The following CLIP4 variants were observed in gnomAD, a reference collection of about 807,000 sequenced individuals.
The protein encoded by CLIP4 is CAP-Gly domain containing linker protein family member 4, also known as CAP-Gly domain-containing linker protein 4.
Under a neutral mutation model 73.1 loss-of-function variants are expected in CLIP4, and 47 were observed. The observed-to-expected ratio is 0.64, with a 90% CI of 0.51 to 0.82. The LOEUF is 0.82. Among genes scored for constraint, CLIP4 ranks in the 40% least tolerant of loss-of-function variants. The pLI, the probability that CLIP4 is intolerant of heterozygous loss-of-function variation, is 0.00. For synonymous variants in CLIP4, 306 were observed against 295.4 expected, an observed-to-expected ratio of 1.04 and a Z score of -0.37; for missense variants, 874 against 852.9, an observed-to-expected ratio of 1.02 and a Z score of -0.31.
chr2:29,104,671 T>G (rs1387457085), intron 1 of CLIP4, among the ~76,000 whole-genome samples: 1 of 151,310 alleles, frequency 6.6e-6, no homozygotes, highest in Non-Finnish European at 1.5e-5. Context: ...AGCTGAGACC[T>G]GAGTATGACG....
Position 29,133,645 on chromosome 2 carries a change from T to C in CLIP4, c.368-10T>C, listed in dbSNP as rs780478143. ...TACTAAAGGAAAGTAATTTAGAAAATCTTCTTTAGGTGATGTGGAAACAGC... is the reference window on the plus strand; with the variant it reads ...TACTAAAGGAAAGTAATTTAGAAAACCTTCTTTAGGTGATGTGGAAACAGC... On this transcript the variant is annotated splice_polypyrimidine_tract_variant and intron_variant, in intron 4 of 15. Transcript: ENST00000320081. 8.8e-6 allele frequency: 14 copies of C among 1,588,432 alleles called. No individual in the cohort carries two copies. The highest frequency in any genetic ancestry group is 1.1e-5 in the Non-Finnish European group (13 of 1,172,304).
At chr2:29,145,998 G>A (rs1666140775) in intron 8 of CLIP4, among the ~76,000 whole-genome samples, 1 of 152,204 alleles carries the variant, frequency 6.6e-6, no homozygotes, top group Admixed American at 6.5e-5. Context: ...GAATTTCAGA[G>A]GCCATGATGG....
At chr2:29,153,219 C>A (rs941958167) in intron 9 of CLIP4, among the ~76,000 whole-genome samples, 1 of 152,090 alleles carries the variant, frequency 6.6e-6, no homozygotes, top group African/African-American at 2.4e-5. Flanking sequence ...GGCTCTCTTT[C>A]TTTATTGATA....
chr2:29,127,768 A>G (rs1558523591), intron 2 of CLIP4, among the ~76,000 whole-genome samples: 1 of 152,188 alleles, frequency 6.6e-6, no homozygotes, highest in Admixed American at 6.5e-5. Context: ...TGTATCACAG[A>G]TGCTTGCAAA....
In CLIP4 at chr2:29,133,072, C is replaced by T. The variant is rs112167612; in HGVS notation, c.368-583C>T. 9.0e-3 allele frequency among the ~76,000 whole-genome samples: 1,374 copies of T among 152,190 alleles called. 15 individuals are homozygous for T. Among genetic ancestry groups the T allele is most frequent in the East Asian group, 0.047 (246 of 5,180 alleles). ...CCATGGTGGTGCATGCCTAGAGTTT[C>T]AGCTGCTTGCGAGGCCGAGGTGGGA... On this transcript the variant is annotated intron_variant, in intron 4 of 15. Coordinates refer to ENST00000320081, the MANE Select transcript of CLIP4 (RefSeq NM_024692.6).
At chr2:29,174,545 G>A (rs1668211518) in intron 15 of CLIP4, 100 bp downstream of exon 15, 2 of 1,497,430 alleles carry the variant, frequency 1.3e-6, no homozygotes, top group Non-Finnish European at 1.8e-6. Flanking sequence ...GCATTGCTTG[G>A]TAGAGTTTTA....
chr2:29,151,147 G>A (rs767590029), intron 8 of CLIP4, among the ~76,000 whole-genome samples: 2 of 151,982 alleles, frequency 1.3e-5, no homozygotes, highest in Non-Finnish European at 2.9e-5. Flanking sequence ...GTGTGATTGG[G>A]TCATTGTAGT....
upstream of CLIP4, among the ~76,000 whole-genome samples, chr2:29,112,311 C>G (rs117600268): frequency 0.023 from 3,560 of 152,248 alleles, 116 homozygotes; most frequent in East Asian, 0.092. Flanking sequence ...TTTTGGTTGC[C>G]ATAACATTTA....
At chr2:29,160,283 T>C in intron 11 of CLIP4, 50 bp from the exon 12 acceptor site, 1 of 1,612,982 alleles carries the variant, frequency 6.2e-7, no homozygotes, top group East Asian at 2.2e-5. Flanking sequence ...CCCTTTGTTT[T>C]TTCTCCTCTT....
In CLIP4 at chr2:29,181,876, G is replaced by C; in HGVS notation, c.2101G>C (p.Val701Leu). ...TYRGINGSKL[V>L]DENC The stretch of plus-strand genomic sequence containing the variant: ...TCGGGGAATTAATGGGTCAAAACTT[G>C]TGGATGAGAATTGTTAAGCTTCTAA... Residue 701 changes from valine to leucine, a missense_variant, in exon 16 of 16, where the codon GTG (valine) becomes CTG (leucine). Physicochemically the swap from Val to Leu is conservative, Grantham distance 32. Transcript: ENST00000320081. The C allele has an allele frequency of 6.2e-7, 1 of 1,606,640 alleles. No individual in the cohort carries two copies. Among genetic ancestry groups the C allele is most frequent in the Non-Finnish European group, 8.5e-7 (1 of 1,174,910 alleles).
chr2:29,122,826 C>A (rs1285220333), intron 2 of CLIP4, among the ~76,000 whole-genome samples: 24 of 61,948 alleles, frequency 3.9e-4, no homozygotes, highest in Non-Finnish European at 4.1e-4. Context: ...ACTTTGTCTC[C>A]AAAAAAAAAA....
chr2:29,143,386 T>C (rs1665913389), intron 6 of CLIP4, among the ~76,000 whole-genome samples: 1 of 128,030 alleles, frequency 7.8e-6, no homozygotes. Context: ...CCACATTTCC[T>C]ATTCCCCTTC....
chr2:29,156,656 C>T (rs1489151427), intron 10 of CLIP4, among the ~76,000 whole-genome samples: 2 of 152,106 alleles, frequency 1.3e-5, no homozygotes, highest in Non-Finnish European at 2.9e-5. Context: ...GATTCTTTTA[C>T]TTAAATTAGA....
chr2:29,132,025 A>G, intron 3 of CLIP4, 127 bp from the exon 4 acceptor site: 3 of 649,814 alleles, frequency 4.6e-6, no homozygotes, highest in Non-Finnish European at 2.7e-6. Flanking sequence ...ATATGCTCAT[A>G]CTGTCTATAC....
intron 1 of CLIP4, among the ~76,000 whole-genome samples, chr2:29,117,869 C>G (rs563033935): frequency 4.6e-4 from 70 of 152,268 alleles, no homozygotes; most frequent in Non-Finnish European, 6.6e-4. Context: ...CTTTGCATAG[C>G]TTAGAACTTA....
intron 6 of CLIP4, among the ~76,000 whole-genome samples, chr2:29,141,932 T>C (rs1665797843): frequency 6.6e-6 from 1 of 152,196 alleles, no homozygotes; most frequent in African/African-American, 2.4e-5. Context: ...TGTATGCTTT[T>C]GTGACAGCAA....
intron 6 of CLIP4, among the ~76,000 whole-genome samples, chr2:29,142,809 C>A (rs1407001069): frequency 6.6e-6 from 1 of 152,142 alleles, no homozygotes; most frequent in African/African-American, 2.4e-5. Flanking sequence ...AAGAAGATTA[C>A]AATCTAAATT....
intron 11 of CLIP4, among the ~76,000 whole-genome samples, chr2:29,159,901 T>G (rs1334007746): frequency 1.3e-5 from 2 of 152,220 alleles, no homozygotes; most frequent in Non-Finnish European, 2.9e-5. Context: ...ATTGTCTATA[T>G]CTACTTTCAT....
chr2:29,128,175 T>C (rs1664736511), intron 2 of CLIP4, among the ~76,000 whole-genome samples: 1 of 145,182 alleles, frequency 6.9e-6, no homozygotes, highest in South Asian at 2.2e-4. Context: ...GCTTAATTAG[T>C]TTAATGTCTG....
Sources: gnomAD v4.1 joint callset for allele counts (sites outside exome capture counted in the v4.1 genomes callset) on GRCh38, gnomAD v4.1.1 for gene constraint, MANE v1.5 for transcripts, NCBI Gene and HGNC (gene_info 2026-07-23, HGNC 2026-07-21) for gene names.